Variants in CCSER1 observed in about 807,000 individuals in gnomAD.
CCSER1 encodes coiled-coil serine rich protein 1.
CCSER1 carries 41 observed loss-of-function variants against 82.0 expected under a neutral mutation model. That is an observed-to-expected ratio of 0.50 (90% CI 0.39 to 0.65). CCSER1 has a LOEUF of 0.65. Ranked by LOEUF, CCSER1 falls within the 30% of genes least tolerant of loss-of-function variation. The pLI is 0.00. For missense variants in CCSER1, 1,119 were observed against 1,064.2 expected (o/e 1.05, Z -0.72); for synonymous variants, 414 against 383.9 (o/e 1.08, Z -0.92).
chr4:90,705,803 G>A (rs758677989), intron 6 of CCSER1, among the ~76,000 whole-genome samples: 1 of 152,164 alleles, frequency 6.6e-6, no homozygotes, highest in Non-Finnish European at 1.5e-5. Flanking sequence ...CTGGTGTGCT[G>A]TTTGCTAAGA....
intron 9 of CCSER1, among the ~76,000 whole-genome samples, chr4:91,037,947 A>T (rs1741596599): frequency 6.6e-6 from 1 of 152,148 alleles, no homozygotes; most frequent in African/African-American, 2.4e-5. Flanking sequence ...TTTTTCTTAA[A>T]CTATTCTGTA....
chr4:91,552,533 C>T (rs1020672508), intron 10 of CCSER1, among the ~76,000 whole-genome samples: 3 of 151,550 alleles, frequency 2.0e-5, no homozygotes, highest in African/African-American at 4.9e-5. Context: ...ATATTTAGAG[C>T]TAGAGGTCCC....
intron 10 of CCSER1, among the ~76,000 whole-genome samples, chr4:91,446,584 T>C (rs1755570987): frequency 6.8e-6 from 1 of 146,218 alleles, no homozygotes; most frequent in Admixed American, 6.8e-5. Context: ...ATTCTTTGTG[T>C]GTGTGTGTGT....
chr4:90,839,564 A>G (rs1254659275), intron 8 of CCSER1, among the ~76,000 whole-genome samples: 2 of 152,214 alleles, frequency 1.3e-5, no homozygotes, highest in Non-Finnish European at 2.9e-5. Flanking sequence ...GTTTCTAGAA[A>G]GCAGGTCCTA....
intron 1 of CCSER1, among the ~76,000 whole-genome samples, chr4:90,269,178 G>GAATAGACTT (rs1725795776): frequency 6.6e-6 from 1 of 152,008 alleles, no homozygotes; most frequent in South Asian, 2.1e-4. Flanking sequence ...TATTTAGATT[G>GAATAGACTT]AATAGACTTA....
intron 9 of CCSER1, among the ~76,000 whole-genome samples, chr4:91,037,082 T>C (rs1741497455): frequency 6.6e-6 from 1 of 151,820 alleles, no homozygotes. Flanking sequence ...GTCTCAAAAA[T>C]AAATAAATGA....
chr4:91,425,726 A>G (rs1254138906), intron 10 of CCSER1, among the ~76,000 whole-genome samples: 2 of 152,202 alleles, frequency 1.3e-5, no homozygotes, highest in African/African-American at 2.4e-5. Context: ...ATAGACTGGT[A>G]GAGAGGGAAA....
intron 1 of CCSER1, among the ~76,000 whole-genome samples, chr4:90,273,005 A>AAC (rs369784389): frequency 0.05 from 7,384 of 147,044 alleles, 478 homozygotes; most frequent in African/African-American, 0.16. Context: ...TCTATCTCAA[A>AAC]AAAACAAACA....
chr4:90,256,562 G>A (rs1264751935), intron 1 of CCSER1, among the ~76,000 whole-genome samples: 1 of 152,124 alleles, frequency 6.6e-6, no homozygotes, highest in Non-Finnish European at 1.5e-5. Flanking sequence ...CATGCCCTGT[G>A]AGTAGGCTGT....
chr4:90,516,074 A>C (rs1005715803), intron 5 of CCSER1, among the ~76,000 whole-genome samples: 3 of 152,230 alleles, frequency 2.0e-5, no homozygotes, highest in Non-Finnish European at 4.4e-5. Flanking sequence ...GTAAGTACTA[A>C]GAACAAAAAG....
chr4:91,119,979 C>T (rs1475169968), intron 10 of CCSER1, among the ~76,000 whole-genome samples: 1 of 151,712 alleles, frequency 6.6e-6, no homozygotes, highest in African/African-American at 2.4e-5. Context: ...CTAGTTCTAC[C>T]TCCATAATTT....
intron 5 of CCSER1, among the ~76,000 whole-genome samples, chr4:90,535,180 CTATTAA>C (rs538025443): frequency 2.8e-4 from 43 of 151,800 alleles, no homozygotes; most frequent in Middle Eastern, 3.4e-3. Flanking sequence ...TATCTAGAAC[CTATTAA>C]TATTTGAATA....
intron 5 of CCSER1, among the ~76,000 whole-genome samples, chr4:90,537,763 C>G (rs1478736486): frequency 6.6e-6 from 1 of 152,066 alleles, no homozygotes; most frequent in African/African-American, 2.4e-5. Flanking sequence ...CTTCTTCTTT[C>G]AATATAGCAA....
intron 4 of CCSER1, among the ~76,000 whole-genome samples, chr4:90,403,592 T>C (rs1453259309): frequency 6.6e-6 from 1 of 150,852 alleles, no homozygotes; most frequent in Non-Finnish European, 1.5e-5. Flanking sequence ...GCATTAAACA[T>C]TCAAAAATGA....
At chr4:90,693,357 C>T (rs1320451110) in intron 6 of CCSER1, 1 of 151,610 alleles carries the variant, frequency 6.6e-6, no homozygotes, top group Non-Finnish European at 1.5e-5. Flanking sequence ...CAATTCTTAC[C>T]ACAAATTCAC....
At chr4:90,146,435 G>C (rs992065745) in intron 1 of CCSER1, among the ~76,000 whole-genome samples, 1 of 151,680 alleles carries the variant, frequency 6.6e-6, no homozygotes, top group Non-Finnish European at 1.5e-5. Context: ...TCTCTTTTAC[G>C]GTGCATATTA....
At chr4:90,314,028 T>A (rs6813228) in intron 3 of CCSER1, among the ~76,000 whole-genome samples, 7,008 of 152,246 alleles carry the variant, frequency 0.046, 468 homozygotes, top group African/African-American at 0.15. Flanking sequence ...CTGATAATTA[T>A]TTTGTGAAGA....
intron 1 of CCSER1, among the ~76,000 whole-genome samples, chr4:90,181,711 T>C (rs548489112): frequency 1.2e-4 from 19 of 152,274 alleles, no homozygotes; most frequent in Admixed American, 5.9e-4. Context: ...TCCCAGTAAT[T>C]GCCAGCCTGA....
At chr4:90,979,632 ACTTT>A (rs1472275708) in intron 9 of CCSER1, among the ~76,000 whole-genome samples, 1 of 151,762 alleles carries the variant, frequency 6.6e-6, no homozygotes, top group African/African-American at 2.4e-5. Context: ...CCATATGACT[ACTTT>A]CTTTAGCCAG....
Sources: gnomAD v4.1 joint callset for allele counts (sites outside exome capture counted in the v4.1 genomes callset) on GRCh38, gnomAD v4.1.1 for gene constraint, MANE v1.5 for transcripts, NCBI Gene and HGNC (gene_info 2026-07-23, HGNC 2026-07-21) for gene names.